The following CFHR2 variants were observed in gnomAD, a reference collection of about 807,000 sequenced individuals.
CFHR2 encodes the protein complement factor H related 2, also known as complement factor H-related protein 2.
Under a neutral mutation model 21.7 loss-of-function variants are expected in CFHR2, and 22 were observed. The ratio of observed to expected loss-of-function variants is 1.01; its 90% CI spans 0.72 to 1.45. The LOEUF is 1.45. CFHR2 is among the 40% of genes most tolerant of loss of function. CFHR2 has a pLI of 0.00. For missense variants in CFHR2, 294 were observed against 293.3 expected, an observed-to-expected ratio of 1.00 and a Z score of -0.02; for synonymous variants, 98 against 97.4, an observed-to-expected ratio of 1.01 and a Z score of -0.04.
intron 4 of CFHR2, among the ~76,000 whole-genome samples, chr1:196,958,649 T>C (rs1219444179): frequency 6.6e-6 from 1 of 152,094 alleles, no homozygotes; most frequent in Non-Finnish European, 1.5e-5. Context: ...ATTGATGTTA[T>C]GAATCTTCAG....
intron 3 of CFHR2, 48 bp from the exon 4 acceptor site, chr1:196,957,843 C>G (rs3748555): frequency 3.9e-6 from 6 of 1,555,998 alleles, no homozygotes; most frequent in Non-Finnish European, 4.4e-6. Flanking sequence ...CTTATTTGAA[C>G]TTGTATTTTT....
chr1:196,954,333 G>A (rs1226541963), intron 3 of CFHR2, among the ~76,000 whole-genome samples: 1 of 152,202 alleles, frequency 6.6e-6, no homozygotes, highest in Non-Finnish European at 1.5e-5. Flanking sequence ...AGGCTTCCAA[G>A]GCCTTGGGTA....
intron 3 of CFHR2, 134 bp downstream of exon 3, chr1:196,951,162 G>A: frequency 1.8e-6 from 2 of 1,119,378 alleles, no homozygotes; most frequent in Non-Finnish European, 2.5e-6. Flanking sequence ...TTGATTCTCA[G>A]TTCCAATTGT....
chr1:196,953,744 A>G (rs951976178), intron 3 of CFHR2, among the ~76,000 whole-genome samples: 5 of 152,224 alleles, frequency 3.3e-5, no homozygotes, highest in Non-Finnish European at 7.3e-5. Context: ...GATTTGCTTG[A>G]GTAAACTGCA....
intron 3 of CFHR2, among the ~76,000 whole-genome samples, chr1:196,952,772 G>T (rs1652669956): frequency 6.6e-6 from 1 of 152,142 alleles, no homozygotes; most frequent in Non-Finnish European, 1.5e-5. Flanking sequence ...CCATTCAGTG[G>T]GTAATGACAT....
intron 3 of CFHR2, among the ~76,000 whole-genome samples, chr1:196,955,076 A>G (rs1217570078): frequency 6.6e-6 from 1 of 152,242 alleles, no homozygotes; most frequent in Non-Finnish European, 1.5e-5. Flanking sequence ...ATGGTCAGGC[A>G]GCAAATTTTG....
chr1:196,953,780 A>C (rs147969093), intron 3 of CFHR2, among the ~76,000 whole-genome samples: 62 of 152,346 alleles, frequency 4.1e-4, no homozygotes, highest in African/African-American at 1.4e-3. Flanking sequence ...TGCCTATAAC[A>C]GTACATAAAA....
At position 196,958,032 on chromosome 1, in the gene CFHR2, C is replaced by T. The variant is rs970419548; in HGVS notation, c.572C>T (p.Thr191Ile). 6.8e-6 allele frequency: 11 copies of T among 1,613,572 alleles called. No homozygotes were observed. In the African/African-American group the frequency reaches 9.3e-5, roughly 14 times the overall value. ...LYQLEGNNQI[T>I]CRNGQWSEPP... ...CAACTTGAGGGTAACAATCAAATAA[C>T]ATGTAGAAACGGACAATGGTCAGAA... is the stretch of plus-strand genomic sequence containing the variant. The change falls in exon 4 of 5, where the codon ACA becomes ATA. Residue 191 changes from threonine to isoleucine, a missense_variant. Thr to Ile is a moderately conservative substitution (Grantham distance 89). Transcript: ENST00000367415.
At chr1:196,949,305 C>A in intron 1 of CFHR2, 150 bp from the exon 2 acceptor site, 1 of 695,910 alleles carries the variant, frequency 1.4e-6, no homozygotes, top group Non-Finnish European at 2.4e-6. Context: ...GATGTCTTTT[C>A]ATTCCTAATT....
chr1:196,944,657 T>C (rs1299391103), intron 1 of CFHR2, among the ~76,000 whole-genome samples: 4 of 152,012 alleles, frequency 2.6e-5, no homozygotes, highest in Non-Finnish European at 5.9e-5. Flanking sequence ...CTAATTAAAC[T>C]ATGTCTGTAC....
chr1:196,958,095 T>G (rs1285790403), intron 4 of CFHR2, 22 bp downstream of exon 4: 10 of 1,605,588 alleles, frequency 6.2e-6, no homozygotes, highest in Non-Finnish European at 8.5e-6. Flanking sequence ...AATATTCTCA[T>G]GGATTCTGGA....
Position 196,950,979 on chromosome 1 carries a change from T to G in CFHR2, c.381T>G (p.Ile127Met). 6.2e-7 allele frequency: 1 copy of G among 1,614,106 alleles called. No homozygotes were observed. Among genetic ancestry groups the G allele is most frequent in the Non-Finnish European group, 8.5e-7 (1 of 1,180,012 alleles). ...GACTTCAAAACAATGAGAACAACATTTCATGTGTAGAACGGGGCTGGTCCA... is the reference window on the plus strand; with the variant it reads ...GACTTCAAAACAATGAGAACAACATGTCATGTGTAGAACGGGGCTGGTCCA... Reference protein sequence around the residue: ...GYRLQNNENNISCVERGWSTP... With the variant: ...GYRLQNNENNMSCVERGWSTP... The change falls in exon 3 of 5, where the codon ATT (isoleucine) becomes ATG (methionine). Residue 127 changes from isoleucine (I) to methionine (M), a missense_variant. Coordinates refer to ENST00000367415, the MANE Select transcript of CFHR2 (RefSeq NM_005666.4).
chr1:196,946,597 T>C (rs1364829313), intron 1 of CFHR2, among the ~76,000 whole-genome samples: 2 of 151,932 alleles, frequency 1.3e-5, no homozygotes, highest in East Asian at 1.9e-4. Flanking sequence ...CAAACACACA[T>C]ATTAACCTCA....
chr1:196,953,243 ATTAT>A (rs138646935), intron 3 of CFHR2, among the ~76,000 whole-genome samples: 3,851 of 150,210 alleles, frequency 0.026, 148 homozygotes, highest in African/African-American at 0.084. Context: ...ATCAGCCAAG[ATTAT>A]TTATTTATTT....
rs1028101507 is a variant in CFHR2, at chr1:196,959,223, A to G, written c.*143A>G. 30 of 632,816 alleles carry G rather than the reference A, an allele frequency of 4.7e-5. No individual in the cohort carries two copies. The Admixed American group carries it at 7.1e-4, about 15-fold the overall frequency. 39.2% of individuals were successfully genotyped at this position (632,816 alleles called of 1,614,324 possible). ...TGTGTTGATTTGTGAAAATGCAATT[A>G]CAATCTGAGATGTGTCACAATGGTG... On this transcript the variant is annotated 3_prime_UTR_variant, in exon 5 of 5. Transcript: ENST00000367415.
At chr1:196,949,795 T>G (rs778639350) in intron 2 of CFHR2, 146 bp downstream of exon 2, 9 of 1,010,490 alleles carry the variant, frequency 8.9e-6, no homozygotes, top group Middle Eastern at 4.4e-4. Flanking sequence ...TATTTTGAGA[T>G]GGCTCCTATG....
intron 1 of CFHR2, among the ~76,000 whole-genome samples, chr1:196,948,825 T>C (rs1483272099): frequency 6.6e-6 from 1 of 152,104 alleles, no homozygotes; most frequent in African/African-American, 2.4e-5. Flanking sequence ...ACAATACATA[T>C]TTGTATATAC....
chr1:196,957,880 TG>T lies in CFHR2; in HGVS notation c.431-10del, dbSNP rs1652954178. On this transcript the variant is annotated splice_polypyrimidine_tract_variant and intron_variant, in intron 3 of 4. Transcript: ENST00000367415. ...TTTACTCTCCCAGTAAATCAAATGATGTTTTTTTAGTTTCTGCAGAAAAATG... is the reference window on the plus strand; with the variant it reads ...TTTACTCTCCCAGTAAATCAAATGATTTTTTTTAGTTTCTGCAGAAAAATG... 3 of 1,607,998 alleles carry T rather than the reference TG, an allele frequency of 1.9e-6. No individual in the cohort carries two copies. The highest frequency in any genetic ancestry group is 2.5e-6 in the Non-Finnish European group (3 of 1,176,742).
chr1:196,948,096 G>A (rs1479490866), intron 1 of CFHR2, among the ~76,000 whole-genome samples: 2 of 152,036 alleles, frequency 1.3e-5, no homozygotes, highest in Admixed American at 6.6e-5. Flanking sequence ...GCACCATCGT[G>A]TATATGGATG....
Sources: allele counts gnomAD v4.1 joint callset (sites outside exome capture counted in the v4.1 genomes callset), GRCh38; gene constraint gnomAD v4.1.1; transcripts MANE v1.5; gene names NCBI Gene and HGNC (gene_info 2026-07-23, HGNC 2026-07-21).